TRIM9: variants seen among roughly 807,000 people sequenced by gnomAD.
The protein encoded by TRIM9 is E3 ubiquitin-protein ligase TRIM9.
In TRIM9, 26 loss-of-function variants were observed where a neutral mutation model predicts 78.3. That is an observed-to-expected ratio of 0.33 (90% confidence interval 0.24 to 0.46). TRIM9 has a LOEUF of 0.46. Ranked by LOEUF, TRIM9 falls within the 20% of genes least tolerant of loss-of-function variation. TRIM9 has a pLI of 1.00. For synonymous variants in TRIM9, 398 were observed against 416.5 expected (o/e 0.96, Z 0.54); for missense variants, 787 against 1,036.4 (o/e 0.76, Z 3.30).
At chr14:51,032,947 A>C (rs2058855878) in intron 1 of TRIM9, among the ~76,000 whole-genome samples, 1 of 152,228 alleles carries the variant, frequency 6.6e-6, no homozygotes, top group Non-Finnish European at 1.5e-5. Context: ...GGAGCACTTC[A>C]GATTTCAGAT....
chr14:50,978,758 G>GT (rs56170539), intron 12 of TRIM9: 16 of 366,814 alleles, frequency 4.4e-5, no homozygotes, highest in Admixed American at 2.0e-4. Flanking sequence ...ATTTTTATCT[G>GT]TTTTTTTGTT....
At chr14:50,983,345 C>G (rs369046731) in intron 9 of TRIM9, 35 bp downstream of exon 9, 52 of 1,499,284 alleles carry the variant, frequency 3.5e-5, no homozygotes, top group Non-Finnish European at 4.4e-5. Flanking sequence ...ACACCAATCA[C>G]GTAAGTAAAA....
rs2139352434 is a variant in TRIM9 at position 50,986,012 on chromosome 14, C to T, written c.1736G>A (p.Arg579Gln). 1 of 1,548,426 alleles carries T rather than the reference C, an allele frequency of 6.5e-7. No individual in the cohort carries two copies. The highest frequency in any genetic ancestry group is 2.5e-5 in the East Asian group (1 of 40,712). The change falls in exon 8 of 13, where the codon CGA becomes CAA. Residue 579 changes from arginine (R) to glutamine (Q), a missense_variant. This residue lies in a region of TRIM9 where 421 missense variants were observed against 514.3 expected (regional missense o/e 0.82). Transcript: ENST00000684578. ...SFPGRSYFDF[R>Q]SSPHQLSLHS... ...CAAGCTCAGCTGGTGGGGTGAGGAT[C>T]GGAAATCAAAGTAGGATCTCCCGGG...
At chr14:51,031,572 T>G (rs886672883) in intron 1 of TRIM9, among the ~76,000 whole-genome samples, 5 of 152,236 alleles carry the variant, frequency 3.3e-5, no homozygotes, top group African/African-American at 1.2e-4. Flanking sequence ...CCCTTTCCTA[T>G]TCCCTCATTC....
chr14:51,080,702 C>T (rs2063222346), intron 1 of TRIM9, among the ~76,000 whole-genome samples: 2 of 152,058 alleles, frequency 1.3e-5, no homozygotes, highest in Admixed American at 6.6e-5. Context: ...TTTTTGACAC[C>T]TGGAAGTGAC....
intron 1 of TRIM9, among the ~76,000 whole-genome samples, chr14:51,048,632 G>A (rs1011892495): frequency 6.6e-6 from 1 of 151,988 alleles, no homozygotes; most frequent in Non-Finnish European, 1.5e-5. Flanking sequence ...CTAGGGTGTC[G>A]TGTAATCAAT....
In TRIM9 at chr14:51,028,330, T is replaced by C. The variant is rs141757878; in HGVS notation, c.823-2970A>G. Among the ~76,000 whole-genome samples the C allele has an allele frequency of 7.9e-3, 1,208 of 152,318 alleles. 6 individuals carry two copies. The highest frequency in any genetic ancestry group is 0.028 in the South Asian group (133 of 4,826). On this transcript the variant is annotated intron_variant, in intron 1 of 12. Transcript: ENST00000684578. ...CCACTTGTAGAAATTGAGGAGACAA[T>C]GAAAAATCCTGGAAAACTATCACTA...
rs576248653 is a variant in TRIM9, at chr14:50,998,578, T to A, written c.1465-390A>T. 1.4e-4 allele frequency among the ~76,000 whole-genome samples: 21 copies of A among 152,338 alleles called. 1 individual carries two copies. The South Asian group carries it at 3.9e-3, about 29-fold the overall frequency. On this transcript the variant is annotated intron_variant, in intron 6 of 12. Coordinates refer to ENST00000684578, the MANE Select transcript of TRIM9 (RefSeq NM_001387360.1). ...GATTGGTACAGTATATAGCCCCTAC[T>A]GAGCTCCTTATCCATCAGTATGGTT...
chr14:51,071,972 G>C (rs1156972931), intron 1 of TRIM9, among the ~76,000 whole-genome samples: 1 of 152,202 alleles, frequency 6.6e-6, no homozygotes, highest in Non-Finnish European at 1.5e-5. Context: ...TCAGCAGCGT[G>C]AGGGAGCAGC....
chr14:51,005,330 C>A (rs962803546), intron 5 of TRIM9, among the ~76,000 whole-genome samples: 2 of 152,116 alleles, frequency 1.3e-5, no homozygotes, highest in African/African-American at 2.4e-5. Flanking sequence ...AATAAATACA[C>A]CCTTAGGTGA....
At chr14:51,078,235 T>C (rs573487854) in intron 1 of TRIM9, among the ~76,000 whole-genome samples, 4 of 152,332 alleles carry the variant, frequency 2.6e-5, no homozygotes, top group African/African-American at 9.6e-5. Context: ...CAGGAAGGAA[T>C]GTAGTGGGTA....
At chr14:51,040,391 C>T (rs921071552) in intron 1 of TRIM9, among the ~76,000 whole-genome samples, 10 of 152,176 alleles carry the variant, frequency 6.6e-5, no homozygotes, top group Non-Finnish European at 1.3e-4. Flanking sequence ...TCTTCTGTTG[C>T]CTGTACCCGG....
chr14:50,998,254 G>T, intron 6 of TRIM9, 66 bp from the exon 7 acceptor site: 1 of 1,511,240 alleles, frequency 6.6e-7, no homozygotes. Context: ...GGGAGGCAGT[G>T]TCGCTCAGTG....
chr14:51,059,717 G>T (rs2061176831), intron 1 of TRIM9, among the ~76,000 whole-genome samples: 1 of 150,416 alleles, frequency 6.6e-6, no homozygotes, highest in Non-Finnish European at 1.5e-5. Flanking sequence ...AGAATCGCTT[G>T]AACCTGGGAG....
intron 6 of TRIM9, among the ~76,000 whole-genome samples, chr14:50,998,436 G>C (rs562879397): frequency 6.6e-6 from 1 of 152,152 alleles, no homozygotes; most frequent in East Asian, 1.9e-4. Context: ...GCAGATTAGC[G>C]TCATGCCTTG....
chr14:51,039,060 A>T (rs1448974487), intron 1 of TRIM9, among the ~76,000 whole-genome samples: 1 of 152,220 alleles, frequency 6.6e-6, no homozygotes, highest in Non-Finnish European at 1.5e-5. Flanking sequence ...TAATCACAAG[A>T]TCTGAATTTA....
chr14:51,068,291 A>G (rs896203697), intron 1 of TRIM9, among the ~76,000 whole-genome samples: 2 of 152,212 alleles, frequency 1.3e-5, no homozygotes, highest in Non-Finnish European at 2.9e-5. Flanking sequence ...TCACACTCAA[A>G]GCAGAAAAAT....
At chr14:50,988,300 C>A (rs1009034142) in intron 7 of TRIM9, 8 of 152,122 alleles carry the variant, frequency 5.3e-5, no homozygotes, top group African/African-American at 1.7e-4. Flanking sequence ...TGAACACAGA[C>A]CTTGGGGAGT....
At chr14:51,031,266 C>T (rs2058717039) in intron 1 of TRIM9, among the ~76,000 whole-genome samples, 1 of 152,010 alleles carries the variant, frequency 6.6e-6, no homozygotes, top group African/African-American at 2.4e-5. Context: ...CAACCTTGAC[C>T]TATAAAGACT....
Sources: allele counts gnomAD v4.1 joint callset (sites outside exome capture counted in the v4.1 genomes callset), GRCh38; gene constraint gnomAD v4.1.1; regional missense constraint gnomAD v4.1.1; transcripts MANE v1.5; gene names NCBI Gene and HGNC (gene_info 2026-07-23, HGNC 2026-07-21).